The following PRCC variants were observed in gnomAD, a reference collection of about 807,000 sequenced individuals.
PRCC encodes the protein proline-rich protein PRCC.
Under a neutral mutation model 44.0 loss-of-function variants are expected in PRCC, and 10 were observed. The ratio of observed to expected loss-of-function variants is 0.23; its 90% CI spans 0.14 to 0.39. PRCC has a LOEUF of 0.39. Among genes scored for constraint, PRCC ranks in the 10% least tolerant of loss-of-function variants. PRCC has a pLI of 1.00. For missense variants in PRCC, 573 were observed against 624.7 expected (o/e 0.92, Z 0.88); for synonymous variants, 278 against 259.5 (o/e 1.07, Z -0.69).
chr1:156,778,120 C>A (rs1558047632), intron 1 of PRCC, among the ~76,000 whole-genome samples: 1 of 152,102 alleles, frequency 6.6e-6, no homozygotes, highest in South Asian at 2.1e-4. Context: ...CTATATTCAC[C>A]ATGCTGTGCA....
chr1:156,770,287 C>G (rs897823434), intron 1 of PRCC, among the ~76,000 whole-genome samples: 1 of 152,172 alleles, frequency 6.6e-6, no homozygotes, highest in African/African-American at 2.4e-5. Context: ...TTGTTCTGTT[C>G]AAGTTGGTCT....
chr1:156,793,831 T>C (rs1571594341), intron 4 of PRCC, among the ~76,000 whole-genome samples: 2 of 152,014 alleles, frequency 1.3e-5, no homozygotes, highest in East Asian at 3.9e-4. Flanking sequence ...TCTCACTTTA[T>C]TGCCCAGGCT....
At chr1:156,776,059 T>C (rs1651817145) in intron 1 of PRCC, among the ~76,000 whole-genome samples, 1 of 152,208 alleles carries the variant, frequency 6.6e-6, no homozygotes, top group African/African-American at 2.4e-5. Flanking sequence ...AGAAGTTTTA[T>C]ATAAGATGTT....
intron 5 of PRCC, chr1:156,795,957 C>G (rs894489389): frequency 6.6e-6 from 1 of 152,250 alleles, no homozygotes; most frequent in Non-Finnish European, 1.5e-5. Context: ...TTTTCCTCCC[C>G]CCATTTGCTT....
intron 6 of PRCC, among the ~76,000 whole-genome samples, chr1:156,798,971 C>A (rs1002832830): frequency 1.3e-5 from 2 of 151,952 alleles, no homozygotes; most frequent in Non-Finnish European, 2.9e-5. Flanking sequence ...ATTAGCATTA[C>A]GTGGTGTTTT....
intron 2 of PRCC, among the ~76,000 whole-genome samples, chr1:156,783,171 C>A (rs1489463682): frequency 6.6e-6 from 1 of 152,168 alleles, no homozygotes; most frequent in East Asian, 1.9e-4. Flanking sequence ...CTCCAAAGTG[C>A]TGGGATTACA....
intron 3 of PRCC, among the ~76,000 whole-genome samples, chr1:156,788,659 CTTTTTTTTTTTT>C (rs58867718): frequency 2.1e-5 from 2 of 95,274 alleles, no homozygotes; most frequent in Non-Finnish European, 4.3e-5. Flanking sequence ...TTGCCAGCAT[CTTTTTTTTTTTT>C]TTTTTTTTTG....
chr1:156,773,290 G>A (rs769568997), intron 1 of PRCC, among the ~76,000 whole-genome samples: 3 of 152,204 alleles, frequency 2.0e-5, no homozygotes, highest in South Asian at 2.1e-4. Context: ...GAGAGAGGCC[G>A]CCGTGGGGAA....
At chr1:156,768,347 T>G in intron 1 of PRCC, 108 bp downstream of exon 1, 1 of 1,165,216 alleles carries the variant, frequency 8.6e-7, no homozygotes, top group East Asian at 2.6e-5. Context: ...ATCCGTGGAT[T>G]CAAGGCCACT....
intron 1 of PRCC, among the ~76,000 whole-genome samples, chr1:156,779,128 A>ATATATATATATATATT (rs1651947127): frequency 2.8e-5 from 1 of 35,876 alleles, no homozygotes; most frequent in Non-Finnish European, 4.5e-5. Context: ...ATATATATAT[A>ATATATATATATATATT]TTTTTTTTTT....
At chr1:156,779,208 G>A (rs1174724159) in intron 1 of PRCC, among the ~76,000 whole-genome samples, 2 of 133,426 alleles carry the variant, frequency 1.5e-5, no homozygotes, top group African/African-American at 5.6e-5. Flanking sequence ...AGGCTGGAGT[G>A]CAGTGGCATG....
chr1:156,771,662 C>T (rs141306603), intron 1 of PRCC, among the ~76,000 whole-genome samples: 5 of 148,610 alleles, frequency 3.4e-5, no homozygotes, highest in African/African-American at 7.5e-5. Flanking sequence ...GTGTTAGAAG[C>T]CAACTCAAGC....
intron 1 of PRCC, among the ~76,000 whole-genome samples, chr1:156,779,435 C>T (rs987405104): frequency 6.6e-5 from 10 of 151,998 alleles, no homozygotes; most frequent in South Asian, 2.1e-4. Context: ...GCAAGCTCGG[C>T]GCTCACTGTA....
At chr1:156,789,135 A>AATTTTTGTATTTTTAGTATTTTGT (rs1652388146) in intron 3 of PRCC, among the ~76,000 whole-genome samples, 1 of 146,708 alleles carries the variant, frequency 6.8e-6, no homozygotes, top group Non-Finnish European at 1.5e-5. Context: ...ATGCCTGGCT[A>AATTTTTGTATTTTTAGTATTTTGT]ATTTTTGTAT....
chr1:156,777,395 A>C (rs1651865470), intron 1 of PRCC, among the ~76,000 whole-genome samples: 1 of 152,212 alleles, frequency 6.6e-6, no homozygotes, highest in Non-Finnish European at 1.5e-5. Flanking sequence ...TGTTATTATA[A>C]GAATTAAATG....
intron 4 of PRCC, among the ~76,000 whole-genome samples, 180 bp from the exon 5 acceptor site, chr1:156,794,485 A>C (rs60131959): frequency 0.022 from 3,414 of 152,194 alleles, 144 homozygotes; most frequent in African/African-American, 0.078. Flanking sequence ...TTCTGAGTAG[A>C]AGTAGCCTTT....
intron 1 of PRCC, among the ~76,000 whole-genome samples, chr1:156,772,461 C>T (rs920149246): frequency 1.3e-5 from 2 of 152,146 alleles, no homozygotes; most frequent in Non-Finnish European, 2.9e-5. Context: ...GATAATCGTC[C>T]TTTCTTTTTC....
At chr1:156,797,482 C>T (rs935097422) in intron 6 of PRCC, 141 bp downstream of exon 6, 14 of 919,262 alleles carry the variant, frequency 1.5e-5, no homozygotes, top group African/African-American at 1.2e-4. Flanking sequence ...ATTCTCAGAG[C>T]GGCCACTAGG....
chr1:156,788,178 C>T (rs901111371), intron 3 of PRCC, among the ~76,000 whole-genome samples: 2 of 152,142 alleles, frequency 1.3e-5, no homozygotes, highest in Non-Finnish European at 2.9e-5. Flanking sequence ...CTAAAGTAGG[C>T]CCTGGTGTCT....
Sources: allele counts gnomAD v4.1 joint callset (sites outside exome capture counted in the v4.1 genomes callset), GRCh38; gene constraint gnomAD v4.1.1; transcripts MANE v1.5; gene names NCBI Gene and HGNC (gene_info 2026-07-23, HGNC 2026-07-21).